The following USP34 variants were observed in gnomAD, a reference collection of about 807,000 sequenced individuals.
USP34 encodes the protein ubiquitin carboxyl-terminal hydrolase 34.
Under a neutral mutation model 460.3 loss-of-function variants are expected in USP34, and 70 were observed. That is an observed-to-expected ratio of 0.15 (90% CI 0.13 to 0.19). USP34 has a LOEUF of 0.19. Among genes scored for constraint, USP34 ranks in the 10% least tolerant of loss-of-function variants. The probability of loss-of-function intolerance (pLI) is 1.00; values close to 1 mark genes in which losing one functional copy is unlikely to be tolerated. For missense variants in USP34, 3,985 were observed against 4,236.2 expected, an observed-to-expected ratio of 0.94 and a Z score of 1.65; for synonymous variants, 1,647 against 1,405.3, an observed-to-expected ratio of 1.17 and a Z score of -3.85.
intron 67 of USP34, among the ~76,000 whole-genome samples, chr2:61,218,187 C>T (rs779151225): frequency 3.3e-5 from 5 of 149,418 alleles, no homozygotes; most frequent in African/African-American, 4.9e-5. Context: ...GTTGGTTTTA[C>T]GGTCAGGGGT....
At chr2:61,377,618 T>C (rs1055309490) in intron 8 of USP34, among the ~76,000 whole-genome samples, 1 of 151,982 alleles carries the variant, frequency 6.6e-6, no homozygotes, top group Non-Finnish European at 1.5e-5. Context: ...AATGGCCATC[T>C]ACAGTCCAGA....
intron 30 of USP34, among the ~76,000 whole-genome samples, chr2:61,296,033 C>A (rs1032908808): frequency 3.3e-5 from 5 of 152,090 alleles, no homozygotes; most frequent in Admixed American, 6.6e-5. Context: ...CTGAGATGGG[C>A]AGATCATTTG....
At chr2:61,258,585 G>C (rs1454508062) in intron 44 of USP34, among the ~76,000 whole-genome samples, 1 of 152,100 alleles carries the variant, frequency 6.6e-6, no homozygotes, top group Non-Finnish European at 1.5e-5. Flanking sequence ...CACAAGCAAT[G>C]AAGCAGCAGG....
chr2:61,399,574 A>C (rs374011375), intron 3 of USP34, among the ~76,000 whole-genome samples: 3 of 151,950 alleles, frequency 2.0e-5, no homozygotes, highest in African/African-American at 7.3e-5. Flanking sequence ...AGTCTCATTA[A>C]AAGACGAATT....
chr2:61,405,810 A>G lies in USP34; in HGVS notation c.450T>C (p.Ser150=), dbSNP rs1693854206. The G allele has an allele frequency of 6.2e-7, 1 of 1,613,162 alleles. No individual in the cohort carries two copies. The highest frequency in any genetic ancestry group is 1.7e-5 in the Admixed American group (1 of 59,834). ...GTAAGAGTTTTTCCTTCTCATCTGT[A>G]CTCCATAAACTAAAAGGATCAGAAC... ...SKSSDPFSLW[S]TDEKEKLLLC... is the part of the protein sequence containing the mutation. Residue 150 remains serine, a synonymous_variant, in exon 3 of 80, where the codon AGT becomes AGC. Transcript: ENST00000398571.
At chr2:61,426,778 A>C (rs1694524165) in intron 1 of USP34, among the ~76,000 whole-genome samples, 2 of 152,178 alleles carry the variant, frequency 1.3e-5, no homozygotes, top group Admixed American at 6.5e-5. Context: ...CCTAATTTCA[A>C]GACTGACCCA....
At chr2:61,262,834 C>T (rs1032160469) in intron 43 of USP34, among the ~76,000 whole-genome samples, 1 of 152,136 alleles carries the variant, frequency 6.6e-6, no homozygotes, top group South Asian at 2.1e-4. Flanking sequence ...TTTACAACAT[C>T]GCCAGCATCA....
intron 48 of USP34, 135 bp downstream of exon 48, chr2:61,256,249 C>T: frequency 1.3e-6 from 1 of 741,988 alleles, no homozygotes; most frequent in Admixed American, 2.9e-5. Flanking sequence ...AAAAGTTGCT[C>T]CATGAGACTG....
chr2:61,417,979 G>C (rs1181856937), intron 2 of USP34, among the ~76,000 whole-genome samples: 1 of 151,350 alleles, frequency 6.6e-6, no homozygotes, highest in African/African-American at 2.4e-5. Context: ...GAACTCAAGT[G>C]ATCCACCTCC....
intron 53 of USP34, among the ~76,000 whole-genome samples, chr2:61,240,694 C>G (rs1379976935): frequency 6.6e-6 from 1 of 151,618 alleles, no homozygotes; most frequent in East Asian, 2.0e-4. Context: ...TCGCCTAGGC[C>G]TCCTGAGTAG....
chr2:61,381,132 G>A (rs1159033210), intron 6 of USP34, among the ~76,000 whole-genome samples: 2 of 150,798 alleles, frequency 1.3e-5, no homozygotes, highest in African/African-American at 4.9e-5. Flanking sequence ...TTTATCTGCT[G>A]ACCTTCCCTC....
In USP34 at chr2:61,253,660, A is replaced by G. The variant is rs998786951; in HGVS notation, c.6221+2724T>C. Among the ~76,000 whole-genome samples the G allele has an allele frequency of 1.8e-4, 28 of 151,544 alleles. 1 individual carries two copies. The highest frequency in any genetic ancestry group is 1.5e-3 in the Admixed American group (23 of 15,226). On this transcript the variant is annotated intron_variant, in intron 48 of 79. Transcript: ENST00000398571. ...ATTCTCTGCCTTCAAACATGCTCAGATATCTTTCATCTAGAAAAATCCTTT... is the reference window on the plus strand; with the variant it reads ...ATTCTCTGCCTTCAAACATGCTCAGGTATCTTTCATCTAGAAAAATCCTTT...
chr2:61,262,992 G>C (rs941907420), intron 43 of USP34, among the ~76,000 whole-genome samples: 1 of 151,728 alleles, frequency 6.6e-6, no homozygotes, highest in East Asian at 1.9e-4. Flanking sequence ...CTTTTGAAAA[G>C]TGTCTGTTCA....
rs144295043 is a variant in USP34, at chr2:61,284,966, C to G, written c.4750-9G>C. The G allele has an allele frequency of 3.0e-4, 485 of 1,598,044 alleles. 3 individuals are homozygous for G. The East Asian group carries it at 7.9e-3, about 26-fold the overall frequency. On this transcript the variant is annotated splice_polypyrimidine_tract_variant and intron_variant, in intron 34 of 79. Transcript: ENST00000398571. ...ACAAGAACAAGAAATACCTTTAAAACAAAAACATTTTAAAAGATATTTAAA... is the reference window on the plus strand; with the variant it reads ...ACAAGAACAAGAAATACCTTTAAAAGAAAAACATTTTAAAAGATATTTAAA...
intron 10 of USP34, among the ~76,000 whole-genome samples, chr2:61,362,108 C>T (rs1270566255): frequency 6.6e-6 from 1 of 152,094 alleles, no homozygotes; most frequent in Non-Finnish European, 1.5e-5. Context: ...AAATCAAAAG[C>T]ATATCTCACA....
intron 75 of USP34, among the ~76,000 whole-genome samples, chr2:61,201,852 C>T (rs1301713238): frequency 6.6e-6 from 1 of 152,022 alleles, no homozygotes; most frequent in Non-Finnish European, 1.5e-5. Flanking sequence ...TTATAATTAC[C>T]CTTCTTTATA....
At chr2:61,322,331 C>T (rs905182016) in intron 21 of USP34, among the ~76,000 whole-genome samples, 1 of 152,118 alleles carries the variant, frequency 6.6e-6, no homozygotes, top group African/African-American at 2.4e-5. Flanking sequence ...TATCAGAGGA[C>T]ATAATCAGCT....
intron 75 of USP34, among the ~76,000 whole-genome samples, chr2:61,199,005 T>G (rs546037816): frequency 7.2e-5 from 11 of 152,304 alleles, no homozygotes; most frequent in Admixed American, 2.0e-4. Context: ...TCCTAAAAAT[T>G]TGGTATATAT....
At chr2:61,247,415 T>C (rs1369063160) in intron 49 of USP34, among the ~76,000 whole-genome samples, 1 of 152,252 alleles carries the variant, frequency 6.6e-6, no homozygotes, top group Non-Finnish European at 1.5e-5. Context: ...GCATCACTTG[T>C]GGCCTAACAA....
Sources: allele counts gnomAD v4.1 joint callset (sites outside exome capture counted in the v4.1 genomes callset), GRCh38; gene constraint gnomAD v4.1.1; transcripts MANE v1.5; gene names NCBI Gene and HGNC (gene_info 2026-07-23, HGNC 2026-07-21).